Variants in LAMA2 observed in about 807,000 individuals in gnomAD.
LAMA2 encodes laminin subunit alpha 2, also known as laminin subunit alpha-2.
A neutral mutation model predicts 364.8 loss-of-function variants in LAMA2; 269 were observed. The ratio of observed to expected loss-of-function variants is 0.74; its 90% confidence interval spans 0.67 to 0.82. The LOEUF (loss-of-function observed/expected upper bound fraction) is 0.82, where lower values mean the gene tolerates loss of function less well. Among genes scored for constraint, LAMA2 ranks in the 40% least tolerant of loss-of-function variants. The pLI, the probability that LAMA2 is intolerant of heterozygous loss-of-function variation, is 0.00. For synonymous variants in LAMA2, 1,379 were observed against 1,370.6 expected (o/e 1.01, Z -0.14); for missense variants, 3,807 against 3,873.2 (o/e 0.98, Z 0.45).
chr6:128,937,709 T>A (rs1440018122), intron 1 of LAMA2, among the ~76,000 whole-genome samples: 1 of 152,066 alleles, frequency 6.6e-6, no homozygotes, highest in Admixed American at 6.6e-5. Context: ...TGAAGGTTTG[T>A]CAATTTTGTT....
chr6:129,308,298 C>A (rs1774003053), intron 22 of LAMA2, among the ~76,000 whole-genome samples: 2 of 152,138 alleles, frequency 1.3e-5, no homozygotes, highest in South Asian at 4.1e-4. Context: ...GCATTTTCAG[C>A]TTCAAATCCA....
At chr6:129,422,391 T>G (rs2114731434) in intron 40 of LAMA2, among the ~76,000 whole-genome samples, 1 of 152,174 alleles carries the variant, frequency 6.6e-6, no homozygotes, top group Non-Finnish European at 1.5e-5. Context: ...TAGCCTTCAG[T>G]CAGGGCTGTC....
At position 129,309,901 on chromosome 6, in the gene LAMA2, C is replaced by CTTTTTTTTTT. The variant is rs1562443403; in HGVS notation, c.3175-2960_3175-2959insTTTTTTTTTT. On this transcript the variant is annotated intron_variant, in intron 22 of 64. Coordinates refer to ENST00000421865, the MANE Select transcript of LAMA2 (RefSeq NM_000426.4). Reference sequence around the variant, plus strand: ...AAGAAATAAAGCTAATCCTGATAATCATTTTTTTTTTTTTTTGAGACGGAG... The same window carrying CTTTTTTTTTT: ...AAGAAATAAAGCTAATCCTGATAATCTTTTTTTTTTATTTTTTTTTTTTTTTGAGACGGAG... Among the ~76,000 whole-genome samples, 3 of 133,760 alleles carry CTTTTTTTTTT rather than the reference C, an allele frequency of 2.2e-5. No individual in the cohort carries two copies. The East Asian group carries it at 8.3e-4, about 37-fold the overall frequency. 87.8% of individuals were successfully genotyped at this position (133,760 alleles called of 152,430 possible).
At chr6:129,465,331 G>T in intron 51 of LAMA2, 42 bp downstream of exon 51, 3 of 1,500,430 alleles carry the variant, frequency 2.0e-6, no homozygotes, top group Non-Finnish European at 2.8e-6. Context: ...CCTTAATCAT[G>T]AAATCCAAAG....
In LAMA2 at chr6:129,366,239, G is replaced by C; in HGVS notation, c.4738G>C (p.Gly1580Arg). The C allele has an allele frequency of 6.2e-7, 1 of 1,613,818 alleles. No individual in the cohort carries two copies. Among genetic ancestry groups the C allele is most frequent in the Non-Finnish European group, 8.5e-7 (1 of 1,179,944 alleles). Residue 1580 changes from glycine to arginine, a missense_variant, in exon 33 of 65, where the codon GGC becomes CGC. By Grantham distance (125) the Gly-to-Arg change is moderately radical. Transcript: ENST00000421865. ...CACAGTTTGTGGAGATGAGTGCACT[G>C]GCCTTCTTCTCGGTGACTTGGCTCG... ...ECVFCGDECT[G>R]LLLGDLARLE...
chr6:129,408,086 C>A (rs1356111526), intron 40 of LAMA2, among the ~76,000 whole-genome samples: 1 of 152,090 alleles, frequency 6.6e-6, no homozygotes, highest in Non-Finnish European at 1.5e-5. Context: ...TCTAGGCCAG[C>A]AGAACATAAT....
chr6:129,309,247 G>A (rs1326803758), intron 22 of LAMA2, among the ~76,000 whole-genome samples: 1 of 152,168 alleles, frequency 6.6e-6, no homozygotes, highest in Non-Finnish European at 1.5e-5. Context: ...TTCACTAGCA[G>A]GGGAATAGTG....
At chr6:129,335,874 ACT>A (rs1001272528) in intron 29 of LAMA2, among the ~76,000 whole-genome samples, 27 of 152,224 alleles carry the variant, frequency 1.8e-4, no homozygotes, top group African/African-American at 5.8e-4. Context: ...GAGTGTAAAC[ACT>A]CTCTGCTGAT....
intron 1 of LAMA2, among the ~76,000 whole-genome samples, chr6:128,891,147 A>C (rs1776429524): frequency 6.6e-6 from 1 of 152,072 alleles, no homozygotes; most frequent in African/African-American, 2.4e-5. Flanking sequence ...TGTTTATCAA[A>C]ATCTTTGAAT....
chr6:128,951,867 G>A (rs758910259), intron 1 of LAMA2, among the ~76,000 whole-genome samples: 5 of 151,754 alleles, frequency 3.3e-5, no homozygotes, highest in African/African-American at 7.3e-5. Flanking sequence ...CTCAACACTC[G>A]GCATTTCAGG....
At chr6:129,396,882 G>A (rs111841161) in intron 37 of LAMA2, among the ~76,000 whole-genome samples, 1 of 151,436 alleles carries the variant, frequency 6.6e-6, no homozygotes, top group Non-Finnish European at 1.5e-5. Context: ...AGGCTGAGGT[G>A]GGAGGATTGC....
chr6:129,275,526 T>A (rs1000013731), intron 17 of LAMA2, among the ~76,000 whole-genome samples: 3 of 151,952 alleles, frequency 2.0e-5, no homozygotes, highest in African/African-American at 7.2e-5. Context: ...AAACTGTAAA[T>A]GTTCACTGTA....
chr6:129,408,110 G>A (rs1780337754), intron 40 of LAMA2, among the ~76,000 whole-genome samples: 1 of 152,140 alleles, frequency 6.6e-6, no homozygotes, highest in African/African-American at 2.4e-5. Context: ...GTGGGAACAG[G>A]AAGCAAAATT....
chr6:129,062,474 A>G (rs1788990276), intron 3 of LAMA2, among the ~76,000 whole-genome samples: 1 of 152,146 alleles, frequency 6.6e-6, no homozygotes. Context: ...GTTCAGGTTC[A>G]AGAAATATTG....
At chr6:129,393,293 GT>G (rs1779425011) in intron 37 of LAMA2, 38 bp downstream of exon 37, 1 of 1,489,220 alleles carries the variant, frequency 6.7e-7, no homozygotes, top group South Asian at 1.1e-5. Flanking sequence ...ATCTCAGAAG[GT>G]TGGGGACTGC....
At chr6:129,460,600 G>A (rs1324467184) in intron 49 of LAMA2, among the ~76,000 whole-genome samples, 1 of 152,010 alleles carries the variant, frequency 6.6e-6, no homozygotes, top group Non-Finnish European at 1.5e-5. Flanking sequence ...GCTACAATCA[G>A]TTAAGTTTCC....
At chr6:129,358,219 C>A (rs1362018119) in intron 32 of LAMA2, among the ~76,000 whole-genome samples, 1 of 151,876 alleles carries the variant, frequency 6.6e-6, no homozygotes, top group Non-Finnish European at 1.5e-5. Context: ...TCCAGGCTAA[C>A]AATGTGTGGA....
chr6:129,289,021 C>A (rs1789495277), intron 19 of LAMA2, among the ~76,000 whole-genome samples: 2 of 152,118 alleles, frequency 1.3e-5, no homozygotes, highest in African/African-American at 4.8e-5. Context: ...CACCAAAGAC[C>A]CAGTAGGGTA....
At chr6:129,126,415 G>T (rs1441179161) in intron 4 of LAMA2, among the ~76,000 whole-genome samples, 1 of 152,156 alleles carries the variant, frequency 6.6e-6, no homozygotes, top group African/African-American at 2.4e-5. Context: ...CATCACGTAA[G>T]ATACCACCTT....
Sources: allele counts gnomAD v4.1 joint callset (sites outside exome capture counted in the v4.1 genomes callset), GRCh38; gene constraint gnomAD v4.1.1; transcripts MANE v1.5; gene names NCBI Gene and HGNC (gene_info 2026-07-23, HGNC 2026-07-21).